Variants in RBFOX1 observed in about 807,000 individuals in gnomAD.
RBFOX1 encodes the protein RNA binding protein fox-1 homolog 1.
A neutral mutation model predicts 57.7 loss-of-function variants in RBFOX1; 8 were observed. The ratio of observed to expected loss-of-function variants is 0.14; its 90% CI spans 0.08 to 0.25. RBFOX1 has a LOEUF of 0.25. RBFOX1 is among the 10% of genes least tolerant of loss of function. The pLI is 1.00. For synonymous variants in RBFOX1, 326 were observed against 222.4 expected, an observed-to-expected ratio of 1.47 and a Z score of -4.15; for missense variants, 611 against 548.5, an observed-to-expected ratio of 1.11 and a Z score of -1.14.
chr16:6,949,726 G>A (rs1598151027), intron 3 of RBFOX1, among the ~76,000 whole-genome samples: 1 of 152,076 alleles, frequency 6.6e-6, no homozygotes, highest in African/African-American at 2.4e-5. Flanking sequence ...AGTCACGTTA[G>A]GAGTTAAGAC....
intron 3 of RBFOX1, among the ~76,000 whole-genome samples, chr16:5,726,107 T>C (rs546695122): frequency 6.6e-6 from 1 of 152,190 alleles, no homozygotes; most frequent in Admixed American, 6.5e-5. Flanking sequence ...AGCTTTTTCT[T>C]TGGGTAGAAT....
chr16:7,130,006 G>A (rs1042934816), intron 4 of RBFOX1, among the ~76,000 whole-genome samples: 6 of 151,276 alleles, frequency 4.0e-5, no homozygotes, highest in African/African-American at 9.7e-5. Flanking sequence ...TCTATACCTG[G>A]CCTCTAATCT....
chr16:7,551,226 A>G (rs375139821), intron 5 of RBFOX1, among the ~76,000 whole-genome samples: 11 of 152,212 alleles, frequency 7.2e-5, no homozygotes, highest in African/African-American at 2.4e-4. Flanking sequence ...CCACTAAAGA[A>G]TTTTTTCCAT....
At chr16:6,716,691 T>G (rs971207805) in intron 3 of RBFOX1, among the ~76,000 whole-genome samples, 4 of 152,192 alleles carry the variant, frequency 2.6e-5, no homozygotes, top group Non-Finnish European at 4.4e-5. Context: ...TTTCCATTCC[T>G]CTGGCCTTGA....
chr16:7,536,083 G>C (rs2081398746), intron 5 of RBFOX1, among the ~76,000 whole-genome samples: 1 of 152,194 alleles, frequency 6.6e-6, no homozygotes, highest in Admixed American at 6.5e-5. Flanking sequence ...TATCCACCAG[G>C]TTCGACATCC....
intron 2 of RBFOX1, among the ~76,000 whole-genome samples, chr16:6,574,143 C>T (rs939367878): frequency 5.3e-5 from 8 of 152,128 alleles, no homozygotes; most frequent in African/African-American, 1.7e-4. Context: ...TGTGGGTTTC[C>T]ATTCTGGCCT....
At chr16:5,738,754 A>G (rs1434821537) in intron 3 of RBFOX1, among the ~76,000 whole-genome samples, 1 of 151,956 alleles carries the variant, frequency 6.6e-6, no homozygotes, top group Non-Finnish European at 1.5e-5. Context: ...GTGGGGGTGC[A>G]CAGCATGTGA....
intron 2 of RBFOX1, among the ~76,000 whole-genome samples, chr16:5,575,498 C>T (rs1308364578): frequency 6.6e-6 from 1 of 152,180 alleles, no homozygotes; most frequent in African/African-American, 2.4e-5. Context: ...TTGCCCACAG[C>T]CATCACAGTC....
At chr16:6,368,372 T>C (rs1449078947) in intron 2 of RBFOX1, among the ~76,000 whole-genome samples, 1 of 152,218 alleles carries the variant, frequency 6.6e-6, no homozygotes, top group East Asian at 1.9e-4. Context: ...TGCTAGCAGG[T>C]AGTAGTTCTC....
intron 1 of RBFOX1, among the ~76,000 whole-genome samples, chr16:5,295,700 A>C (rs2063649794): frequency 6.6e-6 from 1 of 152,228 alleles, no homozygotes. Flanking sequence ...CTAGCAAGAC[A>C]ACTTAACATC....
intron 4 of RBFOX1, among the ~76,000 whole-genome samples, chr16:6,013,739 C>T (rs1050312655): frequency 6.6e-6 from 1 of 151,972 alleles, no homozygotes; most frequent in African/African-American, 2.4e-5. Context: ...TGTATGTGTG[C>T]CACATTTTCT....
chr16:5,542,993 T>G (rs1338372608), intron 2 of RBFOX1, among the ~76,000 whole-genome samples: 1 of 152,180 alleles, frequency 6.6e-6, no homozygotes, highest in East Asian at 1.9e-4. Context: ...ACCTCACAGT[T>G]TATAAGACAT....
chr16:5,557,838 T>G (rs1345626758), intron 2 of RBFOX1, among the ~76,000 whole-genome samples: 3 of 152,196 alleles, frequency 2.0e-5, no homozygotes, highest in African/African-American at 7.2e-5. Context: ...TGGCCTGCCA[T>G]GCCCCTCGTC....
intron 1 of RBFOX1, among the ~76,000 whole-genome samples, chr16:5,413,108 T>C (rs957272580): frequency 6.6e-6 from 1 of 152,142 alleles, no homozygotes; most frequent in Non-Finnish European, 1.5e-5. Flanking sequence ...TCACGATGCT[T>C]ACGGTTTCTT....
intron 4 of RBFOX1, among the ~76,000 whole-genome samples, chr16:5,920,619 C>A (rs1329613068): frequency 6.6e-5 from 10 of 152,098 alleles, no homozygotes; most frequent in African/African-American, 2.4e-4. Flanking sequence ...GAGGAAGCAC[C>A]CTTCCAGGGA....
chr16:6,681,046 C>G (rs969966468), intron 3 of RBFOX1, among the ~76,000 whole-genome samples: 1 of 152,156 alleles, frequency 6.6e-6, no homozygotes, highest in Admixed American at 6.5e-5. Context: ...CATGATGGCT[C>G]ACACCCATAA....
At chr16:7,368,670 C>T (rs59968608) in intron 4 of RBFOX1, among the ~76,000 whole-genome samples, 3 of 151,250 alleles carry the variant, frequency 2.0e-5, no homozygotes, top group African/African-American at 7.3e-5. Flanking sequence ...GTCCCAGCTA[C>T]TCAGGAGGCT....
intron 3 of RBFOX1, among the ~76,000 whole-genome samples, chr16:5,709,227 C>G (rs988734222): frequency 6.6e-6 from 1 of 152,154 alleles, no homozygotes; most frequent in Non-Finnish European, 1.5e-5. Flanking sequence ...TTTGTGTAAT[C>G]AGTGCCATGG....
At chr16:6,733,988 C>T (rs1284055957) in intron 3 of RBFOX1, among the ~76,000 whole-genome samples, 4 of 152,152 alleles carry the variant, frequency 2.6e-5, no homozygotes, top group African/African-American at 9.7e-5. Context: ...GTTTATAGGA[C>T]ACAGTGTTCA....
Sources: allele counts gnomAD v4.1 joint callset (sites outside exome capture counted in the v4.1 genomes callset), GRCh38; gene constraint gnomAD v4.1.1; transcripts MANE v1.5; gene names NCBI Gene and HGNC (gene_info 2026-07-23, HGNC 2026-07-21).